The following DRC11L variants were observed in gnomAD, a reference collection of about 807,000 sequenced individuals.
DRC11L encodes the protein dynein regulatory complex subunit 11 like.
the DRC11L span, among the ~76,000 whole-genome samples, chr7:151,198,537 G>A: frequency 2.3e-3 from 349 of 152,246 alleles, no homozygotes; most frequent in African/African-American, 8.0e-3. Flanking sequence ...ATCCATGGGT[G>A]CTTTCCCCAC....
the DRC11L span, chr7:151,205,380 C>T: frequency 2.5e-6 from 1 of 399,320 alleles, no homozygotes; most frequent in South Asian, 1.3e-4. Flanking sequence ...CCTCTCAGGA[C>T]TAAGGAGATG....
the DRC11L span, among the ~76,000 whole-genome samples, chr7:151,205,090 G>A: frequency 6.6e-6 from 1 of 152,198 alleles, no homozygotes; most frequent in Non-Finnish European, 1.5e-5. Flanking sequence ...TGGGGGTTTG[G>A]GGGAAAGCCA....
chr7:151,196,663 G>A, the DRC11L span: 1 of 398,828 alleles, frequency 2.5e-6, no homozygotes, highest in Non-Finnish European at 4.4e-6. Context: ...ACAGACACAT[G>A]TGTGCACACA....
chr7:151,191,188 C>T, the DRC11L span: 1 of 399,678 alleles, frequency 2.5e-6, no homozygotes, highest in Non-Finnish European at 4.4e-6. Context: ...TTCTCCTCTC[C>T]TCCTGGGTTT....
the DRC11L span, chr7:151,191,228 T>G: frequency 2.0e-5 from 8 of 397,600 alleles, no homozygotes. Context: ...GGGTTTCCCT[T>G]GCTCCCCACC....
At chr7:151,199,295 C>G in the DRC11L span, among the ~76,000 whole-genome samples, 1 of 152,166 alleles carries the variant, frequency 6.6e-6, no homozygotes. This position sits in a 1 kb window ranked among gnomAD's most constrained non-coding sequence, Gnocchi z 5.2. Context: ...CTGGAGCCTC[C>G]GGCCCCAGCC....
chr7:151,192,856 G>T, the DRC11L span: 2 of 398,928 alleles, frequency 5.0e-6, no homozygotes, highest in East Asian at 7.1e-5. Context: ...GTAGAAATCA[G>T]ATGTTAGATG....
At chr7:151,194,196 G>A in the DRC11L span, 1 of 398,018 alleles carries the variant, frequency 2.5e-6, no homozygotes, top group Non-Finnish European at 4.4e-6. Flanking sequence ...CCTGACCCCA[G>A]CCCTCACCCC....
At chr7:151,202,117 A>G in the DRC11L span, among the ~76,000 whole-genome samples, 1 of 152,336 alleles carries the variant, frequency 6.6e-6, no homozygotes, top group South Asian at 2.1e-4. Flanking sequence ...GACAGGGGAT[A>G]GAATTATGGA....
At chr7:151,193,207 G>A in the DRC11L span, 2 of 398,420 alleles carry the variant, frequency 5.0e-6, no homozygotes, top group Non-Finnish European at 8.8e-6. Flanking sequence ...CCAGTAGGCT[G>A]ATGGGTGACG....
the DRC11L span, chr7:151,191,733 G>C: frequency 2.5e-6 from 1 of 399,194 alleles, no homozygotes; most frequent in Non-Finnish European, 4.4e-6. Flanking sequence ...GACAGTTGCA[G>C]GAACCGCCGC....
At chr7:151,192,806 A>C in the DRC11L span, 1 of 399,094 alleles carries the variant, frequency 2.5e-6, no homozygotes, top group Non-Finnish European at 4.4e-6. Context: ...TCCAAATCAC[A>C]GAGGGCTGTA....
the DRC11L span, chr7:151,200,321 G>A: frequency 1.3e-5 from 5 of 399,206 alleles, no homozygotes; most frequent in Non-Finnish European, 2.2e-5. Context: ...GCTCTGGGTG[G>A]GGGCCCTGCC....
At chr7:151,204,749 G>A in the DRC11L span, 1 of 399,110 alleles carries the variant, frequency 2.5e-6, no homozygotes, top group East Asian at 3.6e-5. Flanking sequence ...GCCGCTCCCG[G>A]TCGGGCGCAG....
At chr7:151,202,680 A>G in the DRC11L span, among the ~76,000 whole-genome samples, 4 of 152,160 alleles carry the variant, frequency 2.6e-5, no homozygotes, top group African/African-American at 7.2e-5. Context: ...GGTGAAACCC[A>G]TCTCTACTAA....
chr7:151,193,114 C>T, the DRC11L span: 2 of 397,720 alleles, frequency 5.0e-6, no homozygotes, highest in African/African-American at 2.1e-5. Context: ...CTTCATTCCC[C>T]CACCACAGGG....
At chr7:151,197,858 T>A in the DRC11L span, 3 of 399,192 alleles carry the variant, frequency 7.5e-6, no homozygotes, top group African/African-American at 6.2e-5. Context: ...TTGAGTAGGA[T>A]CCACCTGAAG....
At chr7:151,199,050 C>T in the DRC11L span, 1 of 398,776 alleles carries the variant, frequency 2.5e-6, no homozygotes, top group Non-Finnish European at 4.4e-6. The surrounding 1 kb of genome is among the most constrained non-coding windows in gnomAD (Gnocchi z 5.2). Flanking sequence ...TGGGAGGAAC[C>T]AGCAACCAGT....
At chr7:151,195,762 A>G in the DRC11L span, 1 of 397,144 alleles carries the variant, frequency 2.5e-6, no homozygotes, top group Non-Finnish European at 4.4e-6. Context: ...AGCCTTACAG[A>G]AGAGCCCAGT....
Sources: allele counts gnomAD v4.1 joint callset (sites outside exome capture counted in the v4.1 genomes callset), GRCh38; gene constraint gnomAD v4.1.1; non-coding constraint Gnocchi (gnomAD v3.1); transcripts MANE v1.5; gene names NCBI Gene and HGNC (gene_info 2026-07-23, HGNC 2026-07-21).